CHST9: variants seen among roughly 807,000 people sequenced by gnomAD.
CHST9 encodes the protein GalNAc-4-sulfotransferase 2.
A neutral mutation model predicts 44.4 loss-of-function variants in CHST9; 41 were observed. The observed-to-expected ratio is 0.92, with a 90% CI of 0.72 to 1.20. The LOEUF (loss-of-function observed/expected upper bound fraction) is 1.20, where lower values mean the gene tolerates loss of function less well. CHST9 is among the 50% of genes most tolerant of loss of function. CHST9 has a pLI of 0.00. For missense variants in CHST9, 504 were observed against 516.5 expected (o/e 0.98, Z 0.23); for synonymous variants, 171 against 178.4 (o/e 0.96, Z 0.33).
chr18:27,158,253 C>T (rs1437721317), intron 1 of CHST9, among the ~76,000 whole-genome samples: 1 of 151,730 alleles, frequency 6.6e-6, no homozygotes, highest in African/African-American at 2.4e-5. Context: ...ATCCCTCCCC[C>T]TTCCCCCCAC....
intron 4 of CHST9, among the ~76,000 whole-genome samples, chr18:26,952,818 G>C (rs988882074): frequency 6.6e-6 from 1 of 152,208 alleles, no homozygotes; most frequent in African/African-American, 2.4e-5. Context: ...CCTCAAGGAG[G>C]TCAGGGTCAG....
intron 4 of CHST9, among the ~76,000 whole-genome samples, chr18:26,997,369 A>T (rs2056898579): frequency 6.6e-6 from 1 of 152,236 alleles, no homozygotes; most frequent in Admixed American, 6.5e-5. Flanking sequence ...TTATAAACAC[A>T]ATTAGTATAA....
At chr18:27,047,059 G>A (rs1177749352) in intron 3 of CHST9, among the ~76,000 whole-genome samples, 2 of 152,014 alleles carry the variant, frequency 1.3e-5, no homozygotes, top group Non-Finnish European at 2.9e-5. Flanking sequence ...ACGTTAGCAT[G>A]GTGGGGGTGC....
intron 3 of CHST9, among the ~76,000 whole-genome samples, chr18:27,042,132 A>G (rs1208080075): frequency 6.6e-6 from 1 of 152,078 alleles, no homozygotes; most frequent in African/African-American, 2.4e-5. Context: ...GTTTATACCA[A>G]CCTGGGCCAC....
chr18:27,124,242 T>G (rs1468391647), intron 2 of CHST9, among the ~76,000 whole-genome samples: 1 of 152,232 alleles, frequency 6.6e-6, no homozygotes, highest in Non-Finnish European at 1.5e-5. Flanking sequence ...GAATCCAACA[T>G]GAGCCAAGTT....
At chr18:27,062,038 T>TA (rs2057728457) in intron 2 of CHST9, among the ~76,000 whole-genome samples, 2 of 152,214 alleles carry the variant, frequency 1.3e-5, no homozygotes, top group South Asian at 4.2e-4. Context: ...AGTCCACAAA[T>TA]ACCCCTACGG....
intron 5 of CHST9, among the ~76,000 whole-genome samples, chr18:26,923,305 T>C (rs193115): frequency 4.6e-5 from 7 of 152,232 alleles, no homozygotes; most frequent in Non-Finnish European, 7.3e-5. Flanking sequence ...CCTCTGTTTA[T>C]TGTGTTTTAT....
intron 2 of CHST9, among the ~76,000 whole-genome samples, chr18:27,055,621 TA>T (rs1019207400): frequency 2.0e-5 from 3 of 152,206 alleles, no homozygotes; most frequent in South Asian, 2.1e-4. Flanking sequence ...ACAATAATAG[TA>T]AAAAAATGCC....
chr18:27,036,747 T>C lies in CHST9; in HGVS notation c.160+11718A>G, dbSNP rs78863100. Among the ~76,000 whole-genome samples, 101 of 152,316 alleles carry C rather than the reference T, an allele frequency of 6.6e-4. 1 individual carries two copies. The East Asian group carries it at 0.017, about 25-fold the overall frequency. ...TATACCTGCAATGAGCCAATCACTCTTGCTAGATAGAAAGAGACTATTTTT... is the reference window on the plus strand; with the variant it reads ...TATACCTGCAATGAGCCAATCACTCCTGCTAGATAGAAAGAGACTATTTTT... On this transcript the variant is annotated intron_variant, in intron 3 of 5. Transcript: ENST00000618847.
At chr18:26,968,191 T>A (rs187890208) in intron 4 of CHST9, among the ~76,000 whole-genome samples, 93 of 152,262 alleles carry the variant, frequency 6.1e-4, no homozygotes, top group African/African-American at 2.1e-3. Flanking sequence ...ATTTGTTCTA[T>A]CCCTCCAGAG....
intron 4 of CHST9, among the ~76,000 whole-genome samples, chr18:27,011,851 C>T (rs979317451): frequency 9.2e-5 from 14 of 152,224 alleles, no homozygotes; most frequent in African/African-American, 3.1e-4. Context: ...CCCACAAGGC[C>T]AGCAGGTGCT....
chr18:27,180,393 A>C (rs2058902459), intron 1 of CHST9, among the ~76,000 whole-genome samples: 1 of 152,150 alleles, frequency 6.6e-6, no homozygotes, highest in Non-Finnish European at 1.5e-5. Flanking sequence ...GAGGATAATA[A>C]GGGGGTAACA....
intron 1 of CHST9, among the ~76,000 whole-genome samples, chr18:27,148,581 A>G (rs1182015415): frequency 2.0e-5 from 3 of 150,706 alleles, no homozygotes; most frequent in African/African-American, 4.9e-5. Flanking sequence ...TACAAAGGAC[A>G]TGAACTCATC....
In CHST9 at chr18:27,092,696, A is replaced by G. The variant is rs569162220; in HGVS notation, c.122-44193T>C. 2.6e-5 allele frequency among the ~76,000 whole-genome samples: 4 copies of G among 152,064 alleles called. No homozygotes were observed. In the South Asian group the frequency reaches 6.2e-4, roughly 24 times the overall value. On this transcript the variant is annotated intron_variant, in intron 2 of 5. Coordinates refer to ENST00000618847, the MANE Select transcript of CHST9 (RefSeq NM_031422.6). The stretch of plus-strand genomic sequence containing the variant: ...ACATCTTTATTTCTGTCTTCATTTC[A>G]TTATGTACCCAGTAGTCATTCAGGA...
intron 2 of CHST9, among the ~76,000 whole-genome samples, chr18:27,082,642 T>G (rs1201964484): frequency 6.6e-6 from 1 of 152,216 alleles, no homozygotes; most frequent in East Asian, 1.9e-4. Context: ...GTAAAACTCT[T>G]GGGCAAAAAT....
intron 4 of CHST9, among the ~76,000 whole-genome samples, chr18:27,003,109 T>C (rs2056972951): frequency 6.6e-6 from 1 of 152,162 alleles, no homozygotes; most frequent in Non-Finnish European, 1.5e-5. Context: ...GCATTGGAAA[T>C]AACATTTGTT....
At chr18:26,979,928 GT>G (rs1005338353) in intron 4 of CHST9, among the ~76,000 whole-genome samples, 3 of 152,046 alleles carry the variant, frequency 2.0e-5, no homozygotes, top group African/African-American at 7.2e-5. Context: ...GTTTCAGATT[GT>G]TTTTAAACTT....
At chr18:27,178,773 A>G (rs2058888054) in intron 1 of CHST9, among the ~76,000 whole-genome samples, 1 of 152,042 alleles carries the variant, frequency 6.6e-6, no homozygotes, top group African/African-American at 2.4e-5. Context: ...TATGCTGCAC[A>G]GGATTCATCT....
chr18:26,985,152 C>T (rs1227082750), intron 4 of CHST9, among the ~76,000 whole-genome samples: 9 of 152,078 alleles, frequency 5.9e-5, no homozygotes, highest in Admixed American at 5.2e-4. Flanking sequence ...AAGAGAAAAC[C>T]ACAGAGCAAC....
Sources: allele counts gnomAD v4.1 joint callset (sites outside exome capture counted in the v4.1 genomes callset), GRCh38; gene constraint gnomAD v4.1.1; transcripts MANE v1.5; gene names NCBI Gene and HGNC (gene_info 2026-07-23, HGNC 2026-07-21).